Variants in RGS6 observed in about 807,000 individuals in gnomAD.
RGS6 encodes the protein regulator of G-protein signaling 6.
A neutral mutation model predicts 78.5 loss-of-function variants in RGS6; 30 were observed. The observed-to-expected ratio is 0.38, with a 90% CI of 0.29 to 0.52. The LOEUF is 0.52. Among genes scored for constraint, RGS6 ranks in the 20% least tolerant of loss-of-function variants. RGS6 has a pLI of 0.85. For missense variants in RGS6, 495 were observed against 609.7 expected, an observed-to-expected ratio of 0.81 and a Z score of 1.98; for synonymous variants, 206 against 206.0, an observed-to-expected ratio of 1.00 and a Z score of 0.00.
chr14:72,016,111 A>C (rs952050636), intron 2 of RGS6, among the ~76,000 whole-genome samples: 1 of 152,018 alleles, frequency 6.6e-6, no homozygotes, highest in Admixed American at 6.5e-5. Flanking sequence ...ATGTGTTTTT[A>C]AAAAGAAATA....
chr14:72,154,918 A>G (rs190626183), intron 2 of RGS6, among the ~76,000 whole-genome samples: 169 of 152,338 alleles, frequency 1.1e-3, no homozygotes, highest in Middle Eastern at 6.8e-3. Flanking sequence ...GCTAAGAAAA[A>G]CAAACCCCAG....
chr14:72,616,692 T>C, the RGS6 span, among the ~76,000 whole-genome samples: 2,691 of 152,264 alleles, frequency 0.018, 82 homozygotes, highest in African/African-American at 0.062. Flanking sequence ...TTGCCCAGTG[T>C]CACACAGCTA....
chr14:72,055,289 A>G (rs535231816), intron 2 of RGS6, among the ~76,000 whole-genome samples: 1 of 151,152 alleles, frequency 6.6e-6, no homozygotes, highest in East Asian at 1.9e-4. Flanking sequence ...CTCTTCACCA[A>G]CTCTTTGTAT....
chr14:71,942,199 C>G (rs1324057203), intron 1 of RGS6, among the ~76,000 whole-genome samples: 1 of 152,072 alleles, frequency 6.6e-6, no homozygotes, highest in Non-Finnish European at 1.5e-5. Context: ...TATAAGTAGG[C>G]AATTAAATTG....
At chr14:72,536,154 T>C in intron 15 of RGS6, 32 bp from the exon 16 acceptor site, 1 of 1,522,192 alleles carries the variant, frequency 6.6e-7, no homozygotes, top group Non-Finnish European at 9.1e-7. Context: ...TGACAGCCCT[T>C]CCTTGTGTCT....
At chr14:71,914,738 A>C in the RGS6 span, among the ~76,000 whole-genome samples, 11 of 151,956 alleles carry the variant, frequency 7.2e-5, no homozygotes, top group Non-Finnish European at 1.5e-4. Context: ...TGTGGTACCA[A>C]CTTCTTTACG....
chr14:72,191,522 A>T (rs906453189), intron 2 of RGS6, among the ~76,000 whole-genome samples: 4 of 152,220 alleles, frequency 2.6e-5, no homozygotes, highest in African/African-American at 9.6e-5. Flanking sequence ...TCACGGCAGA[A>T]GATGAAGGAA....
chr14:72,400,807 G>C (rs543689151), intron 3 of RGS6, among the ~76,000 whole-genome samples: 1 of 152,240 alleles, frequency 6.6e-6, no homozygotes, highest in East Asian at 1.9e-4. Context: ...TCTTATCTCT[G>C]ATCCTCCCTA....
At chr14:72,354,525 A>G (rs2079847880) in intron 3 of RGS6, among the ~76,000 whole-genome samples, 1 of 151,730 alleles carries the variant, frequency 6.6e-6, no homozygotes. Context: ...AGTCCCAGCT[A>G]CTTGGGAGGC....
At chr14:72,064,042 G>C (rs1333810004) in intron 2 of RGS6, among the ~76,000 whole-genome samples, 2 of 152,092 alleles carry the variant, frequency 1.3e-5, no homozygotes, top group Non-Finnish European at 2.9e-5. Context: ...TGTAGGGAGA[G>C]AGTCTAAGGA....
chr14:72,517,834 G>C (rs1197517979), intron 14 of RGS6, among the ~76,000 whole-genome samples: 1 of 152,186 alleles, frequency 6.6e-6, no homozygotes, highest in Non-Finnish European at 1.5e-5. Context: ...ATTTGACAAA[G>C]GGTCTCACAC....
In RGS6 at chr14:72,422,954, A is replaced by G. The variant is rs1043139597; in HGVS notation, c.185-31574A>G. ...TGTAGAAAGAACCAACTCTGCCGAC[A>G]CTTTGATTTTTAACTTCTGGCCTTC... On this transcript the variant is annotated intron_variant, in intron 3 of 17. Coordinates refer to ENST00000553525, the MANE Select transcript of RGS6 (RefSeq NM_001204424.2). Among the ~76,000 whole-genome samples, 5 of 152,212 alleles carry G rather than the reference A, an allele frequency of 3.3e-5. No individual in the cohort carries two copies. In the South Asian group the frequency reaches 1.0e-3, roughly 32 times the overall value.
intron 2 of RGS6, among the ~76,000 whole-genome samples, chr14:72,189,661 G>A (rs940142456): frequency 3.9e-5 from 6 of 152,082 alleles, no homozygotes; most frequent in Non-Finnish European, 8.8e-5. Context: ...ATAGATTTTC[G>A]GTGGTCAGTT....
At chr14:72,453,526 G>A (rs1468391765) in intron 3 of RGS6, among the ~76,000 whole-genome samples, 1 of 138,946 alleles carries the variant, frequency 7.2e-6, no homozygotes, top group Non-Finnish European at 1.5e-5. Context: ...TGAGGCAGGA[G>A]AATGGCGTGA....
intron 2 of RGS6, among the ~76,000 whole-genome samples, chr14:72,116,378 G>A (rs937818807): frequency 6.6e-6 from 1 of 151,918 alleles, no homozygotes; most frequent in African/African-American, 2.4e-5. Context: ...TTGTTTTCCA[G>A]GTTTTCTCAA....
At chr14:72,428,763 C>T (rs1318340811) in intron 3 of RGS6, among the ~76,000 whole-genome samples, 1 of 152,184 alleles carries the variant, frequency 6.6e-6, no homozygotes, top group Non-Finnish European at 1.5e-5. Flanking sequence ...ACTTTCAATC[C>T]TGTAGAAATA....
chr14:71,902,701 G>A, the RGS6 span, among the ~76,000 whole-genome samples: 16 of 152,280 alleles, frequency 1.1e-4, no homozygotes, highest in African/African-American at 3.8e-4. Context: ...TCTGGGCCAT[G>A]TTATAACAAA....
At chr14:72,060,447 C>T (rs1312469853) in intron 2 of RGS6, among the ~76,000 whole-genome samples, 1 of 144,312 alleles carries the variant, frequency 6.9e-6, no homozygotes, top group Non-Finnish European at 1.5e-5. Flanking sequence ...TGCAGATATT[C>T]TATCTGCCAT....
At chr14:72,115,022 A>C (rs902856468) in intron 2 of RGS6, among the ~76,000 whole-genome samples, 17 of 152,196 alleles carry the variant, frequency 1.1e-4, no homozygotes, top group Admixed American at 6.5e-5. Flanking sequence ...TCATTTACTA[A>C]CTATCTGGAG....
Sources: gnomAD v4.1 joint callset for allele counts (sites outside exome capture counted in the v4.1 genomes callset) on GRCh38, gnomAD v4.1.1 for gene constraint, MANE v1.5 for transcripts, NCBI Gene and HGNC (gene_info 2026-07-23, HGNC 2026-07-21) for gene names.